UBE2E3: variants seen among roughly 807,000 people sequenced by gnomAD.
The protein encoded by UBE2E3 is ubiquitin conjugating enzyme E2 E3, also known as ubiquitin-conjugating enzyme E2 E3.
UBE2E3 carries 5 observed loss-of-function variants against 23.6 expected under a neutral mutation model. The ratio of observed to expected loss-of-function variants is 0.21; its 90% CI spans 0.11 to 0.44. The LOEUF (loss-of-function observed/expected upper bound fraction) is 0.44, where lower values mean the gene tolerates loss of function less well. Among genes scored for constraint, UBE2E3 ranks in the 20% least tolerant of loss-of-function variants. UBE2E3 has a pLI of 0.99. For missense variants in UBE2E3, 81 were observed against 249.8 expected, an observed-to-expected ratio of 0.32 and a Z score of 4.55; for synonymous variants, 78 against 87.5, an observed-to-expected ratio of 0.89 and a Z score of 0.60.
chr2:181,051,319 C>G (rs868459655), intron 3 of UBE2E3, among the ~76,000 whole-genome samples: 1 of 151,668 alleles, frequency 6.6e-6, no homozygotes, highest in African/African-American at 2.4e-5. Context: ...TATTGGTAGA[C>G]ATAGTGGTTT....
chr2:181,051,525 G>A (rs1686844420), intron 3 of UBE2E3, among the ~76,000 whole-genome samples: 1 of 151,670 alleles, frequency 6.6e-6, no homozygotes, highest in Admixed American at 6.6e-5. Context: ...CTAAAGATTG[G>A]TCTAATTTAA....
At chr2:181,032,179 A>G (rs960366371) in intron 3 of UBE2E3, among the ~76,000 whole-genome samples, 2 of 152,212 alleles carry the variant, frequency 1.3e-5, no homozygotes, top group African/African-American at 2.4e-5. Context: ...GGGCAAAATT[A>G]ACTTTTTTTG....
intron 3 of UBE2E3, among the ~76,000 whole-genome samples, chr2:181,023,997 T>C (rs567615508): frequency 6.6e-6 from 1 of 152,284 alleles, no homozygotes; most frequent in African/African-American, 2.4e-5. Context: ...CTGTGTTTTA[T>C]ATTTCTTTTG....
At chr2:180,986,979 T>A (rs1282966898) in intron 3 of UBE2E3, among the ~76,000 whole-genome samples, 2 of 152,132 alleles carry the variant, frequency 1.3e-5, no homozygotes, top group Admixed American at 6.6e-5. Context: ...GATCTTAAGA[T>A]AGATTTAATT....
At chr2:181,056,132 T>G (rs113927398) in intron 3 of UBE2E3, among the ~76,000 whole-genome samples, 6,529 of 151,028 alleles carry the variant, frequency 0.043, 222 homozygotes, top group Middle Eastern at 0.084. Context: ...ATAGGAGTCA[T>G]TTTGAAAGGG....
intron 3 of UBE2E3, among the ~76,000 whole-genome samples, chr2:181,007,276 C>G (rs571755863): frequency 1.3e-5 from 2 of 152,306 alleles, no homozygotes; most frequent in South Asian, 4.1e-4. Context: ...ATTAAAATAG[C>G]TTGCTACCTT....
At chr2:181,058,011 TAAACAG>T (rs1687033870) in intron 4 of UBE2E3, among the ~76,000 whole-genome samples, 186 bp downstream of exon 4, 2 of 151,774 alleles carry the variant, frequency 1.3e-5, no homozygotes, top group Admixed American at 1.3e-4. Context: ...TAATTTGTAA[TAAACAG>T]AAAGAGTTTA....
intron 2 of UBE2E3, 127 bp from the exon 3 acceptor site, chr2:180,983,916 A>G (rs1574151843): frequency 1.6e-6 from 1 of 628,262 alleles, no homozygotes; most frequent in East Asian, 2.9e-5. Context: ...GGAAGCAGCC[A>G]TGTTAGCATT....
intron 3 of UBE2E3, among the ~76,000 whole-genome samples, chr2:180,984,798 A>T (rs375651531): frequency 1.5e-4 from 23 of 152,140 alleles, no homozygotes; most frequent in African/African-American, 5.6e-4. Flanking sequence ...CATTAAAAGT[A>T]GCTGGTTGAT....
At chr2:181,007,375 G>T (rs543183482) in intron 3 of UBE2E3, among the ~76,000 whole-genome samples, 17 of 152,230 alleles carry the variant, frequency 1.1e-4, no homozygotes, top group Non-Finnish European at 1.8e-4. Flanking sequence ...AGCCCTACAT[G>T]TTGCTCCCTA....
At chr2:181,011,260 G>C (rs890534781) in intron 3 of UBE2E3, among the ~76,000 whole-genome samples, 1 of 152,038 alleles carries the variant, frequency 6.6e-6, no homozygotes, top group South Asian at 2.1e-4. Flanking sequence ...GGTGCTGGCA[G>C]GACCTTCTTT....
intron 4 of UBE2E3, among the ~76,000 whole-genome samples, chr2:181,058,545 T>G (rs1372930847): frequency 6.6e-6 from 1 of 151,756 alleles, no homozygotes; most frequent in Non-Finnish European, 1.5e-5. Context: ...GAATTAAGCA[T>G]GAGCATTATT....
chr2:181,019,590 A>T (rs951273993), intron 3 of UBE2E3, among the ~76,000 whole-genome samples: 1 of 152,184 alleles, frequency 6.6e-6, no homozygotes, highest in Admixed American at 6.5e-5. Context: ...TATCTCAAAA[A>T]TTATTTTCAT....
At chr2:180,998,092 C>A (rs1684881874) in intron 3 of UBE2E3, among the ~76,000 whole-genome samples, 1 of 152,092 alleles carries the variant, frequency 6.6e-6, no homozygotes, top group Admixed American at 6.5e-5. Context: ...CTGAAACTTG[C>A]CAGACTCAAA....
At chr2:181,004,254 A>G (rs1685073877) in intron 3 of UBE2E3, among the ~76,000 whole-genome samples, 1 of 152,178 alleles carries the variant, frequency 6.6e-6, no homozygotes, top group South Asian at 2.1e-4. Flanking sequence ...AGTGTGTAGT[A>G]GTTCTAGTTG....
chr2:181,052,190 C>T (rs1375995090), intron 3 of UBE2E3, among the ~76,000 whole-genome samples: 1 of 151,786 alleles, frequency 6.6e-6, no homozygotes, highest in African/African-American at 2.4e-5. Flanking sequence ...ACTTAAATTA[C>T]AATCATTAAG....
chr2:180,990,443 A>T (rs1684622056), intron 3 of UBE2E3, among the ~76,000 whole-genome samples: 2 of 152,200 alleles, frequency 1.3e-5, no homozygotes, highest in Admixed American at 1.3e-4. Context: ...TTCCTGTCTT[A>T]TTAGTGATGC....
At chr2:180,986,411 G>T (rs1219426891) in intron 3 of UBE2E3, among the ~76,000 whole-genome samples, 1 of 152,040 alleles carries the variant, frequency 6.6e-6, no homozygotes, top group Non-Finnish European at 1.5e-5. Context: ...CCTTGAGTAG[G>T]AATTGGAATA....
At chr2:181,059,931 A>G (rs141223207) in intron 4 of UBE2E3, among the ~76,000 whole-genome samples, 4 of 151,632 alleles carry the variant, frequency 2.6e-5, no homozygotes, top group Non-Finnish European at 4.4e-5. Flanking sequence ...AACTCCAATT[A>G]TGAATTAGCT....
Sources: gnomAD v4.1 joint callset for allele counts (sites outside exome capture counted in the v4.1 genomes callset) on GRCh38, gnomAD v4.1.1 for gene constraint, MANE v1.5 for transcripts, NCBI Gene and HGNC (gene_info 2026-07-23, HGNC 2026-07-21) for gene names.